The following ANKHD1 variants were observed in gnomAD, a reference collection of about 807,000 sequenced individuals.
The protein encoded by ANKHD1 is ankyrin repeat and KH domain-containing protein 1.
Under a neutral mutation model 230.5 loss-of-function variants are expected in ANKHD1, and 31 were observed. The observed-to-expected ratio is 0.13, with a 90% CI of 0.10 to 0.18. The LOEUF is 0.18. Among genes scored for constraint, ANKHD1 ranks in the 10% least tolerant of loss-of-function variants. The probability of loss-of-function intolerance (pLI) is 1.00; values close to 1 mark genes in which losing one functional copy is unlikely to be tolerated. For synonymous variants in ANKHD1, 1,074 were observed against 1,117.6 expected, an observed-to-expected ratio of 0.96 and a Z score of 0.78; for missense variants, 2,256 against 3,071.3, an observed-to-expected ratio of 0.73 and a Z score of 6.27.
chr5:140,483,247 T>TTA (rs1751362699), intron 11 of ANKHD1, among the ~76,000 whole-genome samples: 1 of 152,126 alleles, frequency 6.6e-6, no homozygotes, highest in South Asian at 2.1e-4. Flanking sequence ...AAAATGGTAA[T>TTA]GTCAGCAGTT....
chr5:140,408,910 T>C (rs1770699428), intron 1 of ANKHD1, among the ~76,000 whole-genome samples: 1 of 152,194 alleles, frequency 6.6e-6, no homozygotes, highest in Non-Finnish European at 1.5e-5. Context: ...ATCTATAATC[T>C]AGAGCAGTTT....
intron 24 of ANKHD1, among the ~76,000 whole-genome samples, chr5:140,516,508 C>G (rs199800304): frequency 6.7e-6 from 1 of 150,208 alleles, no homozygotes; most frequent in East Asian, 1.9e-4. Flanking sequence ...TCACCAAAGT[C>G]GAAGGAAAAA....
chr5:140,450,848 A>G (rs929538118), intron 7 of ANKHD1, among the ~76,000 whole-genome samples: 1 of 152,032 alleles, frequency 6.6e-6, no homozygotes, highest in African/African-American at 2.4e-5. Flanking sequence ...AGCAGAATCT[A>G]TCAAAAAAAT....
rs1770237782 is a variant in ANKHD1, at chr5:140,404,376, G to A, written c.306+2103G>A. On this transcript the variant is annotated intron_variant, in intron 1 of 33. Transcript: ENST00000360839. ...TTTTCTTGACCATTTTTACATAATT[G>A]TCATGGGTGAGATGAAAGGTCACTC... 2.6e-5 allele frequency among the ~76,000 whole-genome samples: 4 copies of A among 151,824 alleles called. No homozygotes were observed. The South Asian group carries it at 8.3e-4, about 32-fold the overall frequency.
At chr5:140,450,772 A>G (rs1435781591) in intron 7 of ANKHD1, among the ~76,000 whole-genome samples, 1 of 151,898 alleles carries the variant, frequency 6.6e-6, no homozygotes, top group Non-Finnish European at 1.5e-5. Context: ...AGATTTATTT[A>G]TTTATTTATT....
chr5:140,433,840 A>G (rs1447308848), intron 1 of ANKHD1, among the ~76,000 whole-genome samples: 1 of 152,088 alleles, frequency 6.6e-6, no homozygotes, highest in Non-Finnish European at 1.5e-5. Flanking sequence ...TGATGTTTTT[A>G]CCTGTCCTTC....
At chr5:140,497,876 A>ACC (rs762743067) in intron 15 of ANKHD1, among the ~76,000 whole-genome samples, 6 of 100,738 alleles carry the variant, frequency 6.0e-5, no homozygotes, top group Admixed American at 3.3e-4. Context: ...ACCACACCAC[A>ACC]CCACACACAC....
At chr5:140,525,722 G>T (rs1203815510) in intron 25 of ANKHD1, among the ~76,000 whole-genome samples, 1 of 151,930 alleles carries the variant, frequency 6.6e-6, no homozygotes, top group Non-Finnish European at 1.5e-5. Flanking sequence ...ACAAAAATTA[G>T]CCGGGCATGG....
rs1275685389 is a variant in ANKHD1 at position 140,508,655 on chromosome 5, C to T, written c.3765+657C>T. Among the ~76,000 whole-genome samples the T allele has an allele frequency of 2.0e-5, 3 of 152,026 alleles. No homozygotes were observed. The East Asian group carries it at 5.8e-4, about 29-fold the overall frequency. On this transcript the variant is annotated intron_variant, in intron 20 of 33. Coordinates refer to ENST00000360839, the MANE Select transcript of ANKHD1 (RefSeq NM_017747.3). Reference sequence around the variant, plus strand: ...CCTTTAATCCCAGCTACTCAGGAGGCTGAGGCAGAAGAATCACCGGAACTT... The same window carrying T: ...CCTTTAATCCCAGCTACTCAGGAGGTTGAGGCAGAAGAATCACCGGAACTT...
chr5:140,475,540 T>TA (rs1750912727), intron 10 of ANKHD1, among the ~76,000 whole-genome samples: 1 of 151,670 alleles, frequency 6.6e-6, no homozygotes, highest in Admixed American at 6.6e-5. Flanking sequence ...AGGTTGTATG[T>TA]AAAAAACAAA....
At chr5:140,530,298 G>A (rs13174202) in intron 29 of ANKHD1, among the ~76,000 whole-genome samples, 101,081 of 151,888 alleles carry the variant, frequency 0.67, 34,072 homozygotes, top group East Asian at 0.83. Context: ...TGTAACCTCC[G>A]CCTCCTAGGC....
intron 10 of ANKHD1, chr5:140,472,291 A>G (rs758428130): frequency 3.7e-6 from 6 of 1,613,736 alleles, no homozygotes; most frequent in Non-Finnish European, 4.2e-6. Flanking sequence ...CCGGCCAAGC[A>G]TCAGGTGAGG....
chr5:140,519,368 G>A (rs555205098), intron 24 of ANKHD1, among the ~76,000 whole-genome samples: 5 of 152,168 alleles, frequency 3.3e-5, no homozygotes, highest in Non-Finnish European at 7.3e-5. Flanking sequence ...GTAATTTACC[G>A]ATTCAATGCC....
chr5:140,444,527 G>A (rs1255504505), intron 5 of ANKHD1, among the ~76,000 whole-genome samples: 5 of 152,016 alleles, frequency 3.3e-5, no homozygotes, highest in African/African-American at 9.7e-5. Flanking sequence ...GCTCTGTGAG[G>A]GGATGTGGTC....
At chr5:140,517,041 A>G (rs1753049896) in intron 24 of ANKHD1, among the ~76,000 whole-genome samples, 2 of 149,180 alleles carry the variant, frequency 1.3e-5, no homozygotes, top group African/African-American at 2.5e-5. Context: ...TATTCAGGAA[A>G]CCCATCTCAC....
At chr5:140,446,445 C>A (rs992128974) in intron 6 of ANKHD1, among the ~76,000 whole-genome samples, 1 of 152,236 alleles carries the variant, frequency 6.6e-6, no homozygotes, top group Non-Finnish European at 1.5e-5. Flanking sequence ...ACTGCAACCT[C>A]TGCCTCCTGG....
chr5:140,411,865 G>A, intron 1 of ANKHD1, among the ~76,000 whole-genome samples: 1 of 148,696 alleles, frequency 6.7e-6, no homozygotes, highest in Non-Finnish European at 1.5e-5. Flanking sequence ...GTCCCGTTAT[G>A]TCACCCAAGC....
At chr5:140,491,700 G>T (rs534427431) in intron 14 of ANKHD1, among the ~76,000 whole-genome samples, 35 of 152,180 alleles carry the variant, frequency 2.3e-4, no homozygotes, top group Non-Finnish European at 2.8e-4. Context: ...ATGCTTTGAT[G>T]AAAATATTTG....
chr5:140,430,631 G>A (rs1581235729), intron 1 of ANKHD1, among the ~76,000 whole-genome samples: 3 of 149,572 alleles, frequency 2.0e-5, no homozygotes, highest in Admixed American at 1.3e-4. Flanking sequence ...ATATCTCCAC[G>A]TAGCTATAAA....
Sources: gnomAD v4.1 joint callset for allele counts (sites outside exome capture counted in the v4.1 genomes callset) on GRCh38, gnomAD v4.1.1 for gene constraint, MANE v1.5 for transcripts, NCBI Gene and HGNC (gene_info 2026-07-23, HGNC 2026-07-21) for gene names.